BRF1: variants seen among roughly 807,000 people sequenced by gnomAD.
The protein encoded by BRF1 is BRF1 general transcription factor IIIB subunit.
In BRF1, 59 loss-of-function variants were observed where a neutral mutation model predicts 81.7. That is an observed-to-expected ratio of 0.72 (90% CI 0.59 to 0.90). The LOEUF (loss-of-function observed/expected upper bound fraction) is 0.90, where lower values mean the gene tolerates loss of function less well. Ranked by LOEUF, BRF1 falls within the 40% of genes least tolerant of loss-of-function variation. The pLI is 0.00. For missense variants in BRF1, 1,050 were observed against 936.3 expected, an observed-to-expected ratio of 1.12 and a Z score of -1.58; for synonymous variants, 491 against 395.6, an observed-to-expected ratio of 1.24 and a Z score of -2.86.
chr14:105,248,590 A>C (rs1249202943), intron 5 of BRF1: 57 of 887,260 alleles, frequency 6.4e-5, no homozygotes, highest in Admixed American at 1.4e-4. Flanking sequence ...GGCGGGCGGG[A>C]CGGCGCCCCC....
At chr14:105,228,486 G>C (rs1311281613) in intron 7 of BRF1, among the ~76,000 whole-genome samples, 2 of 151,698 alleles carry the variant, frequency 1.3e-5, no homozygotes, top group Non-Finnish European at 2.9e-5. Context: ...AGAGGTTACA[G>C]TGAGCCGAGA....
chr14:105,254,614 T>G (rs1218341281), intron 4 of BRF1, among the ~76,000 whole-genome samples: 2 of 151,200 alleles, frequency 1.3e-5, no homozygotes, highest in Non-Finnish European at 2.9e-5. Flanking sequence ...CAGGCTGGAG[T>G]GCAATGGCGC....
At chr14:105,260,674 C>A (rs1694251047) in intron 3 of BRF1, among the ~76,000 whole-genome samples, 1 of 152,148 alleles carries the variant, frequency 6.6e-6, no homozygotes, top group Admixed American at 6.6e-5. Flanking sequence ...CCAAGCTCCA[C>A]AGAAAATTTT....
At chr14:105,264,270 A>C (rs1164443579) in intron 3 of BRF1, among the ~76,000 whole-genome samples, 1 of 152,102 alleles carries the variant, frequency 6.6e-6, no homozygotes, top group Admixed American at 6.5e-5. Context: ...CAGGAGTTCA[A>C]GACCAGGCTG....
At chr14:105,253,770 C>T (rs1019028628) in intron 4 of BRF1, among the ~76,000 whole-genome samples, 5 of 152,224 alleles carry the variant, frequency 3.3e-5, no homozygotes, top group Non-Finnish European at 7.3e-5. Flanking sequence ...TCCGAGGGCT[C>T]CATCACAAGG....
At chr14:105,248,482 C>A in intron 5 of BRF1, 1 of 981,430 alleles carries the variant, frequency 1.0e-6, no homozygotes, top group Non-Finnish European at 1.2e-6. Flanking sequence ...GGATGTCGGG[C>A]CTGGGGGCGG....
chr14:105,229,200 C>CT (rs2054305341), intron 6 of BRF1, among the ~76,000 whole-genome samples: 1 of 152,222 alleles, frequency 6.6e-6, no homozygotes, highest in African/African-American at 2.4e-5. Flanking sequence ...CAAACTAACT[C>CT]TAAGATGACT....
At chr14:105,248,521 C>A (rs1030967221) in intron 5 of BRF1, 1 of 954,578 alleles carries the variant, frequency 1.0e-6, no homozygotes, top group African/African-American at 2.0e-5. Flanking sequence ...TCGCGCGGGG[C>A]GCGGCCCTGA....
Position 105,211,096 on chromosome 14 carries a change from C to T in BRF1, c.1996+26G>A, listed in dbSNP as rs750778709. The T allele has an allele frequency of 8.7e-6, 14 of 1,610,674 alleles. No homozygotes were observed. The East Asian group carries it at 8.9e-5, about 10-fold the overall frequency. On this transcript the variant is annotated intron_variant, in intron 17 of 17. Coordinates refer to ENST00000547530, the MANE Select transcript of BRF1 (RefSeq NM_001519.4). ...CTGATGCCTTTATTTCCCTTGAACCCCTCCCTGTTGTCGGGCCCCACCCAC... is the reference window on the plus strand; with the variant it reads ...CTGATGCCTTTATTTCCCTTGAACCTCTCCCTGTTGTCGGGCCCCACCCAC...
intron 1 of BRF1, among the ~76,000 whole-genome samples, chr14:105,288,217 G>T (rs936923187): frequency 4.6e-5 from 7 of 152,342 alleles, no homozygotes; most frequent in Admixed American, 2.0e-4. Flanking sequence ...CACTTTGGGA[G>T]GCCGAGGTGG....
At chr14:105,244,425 C>CT (rs2054932771) in intron 5 of BRF1, among the ~76,000 whole-genome samples, 1 of 152,118 alleles carries the variant, frequency 6.6e-6, no homozygotes, top group Admixed American at 6.6e-5. Flanking sequence ...GCCTAGGTGA[C>CT]TGACACCATG....
chr14:105,292,555 G>A (rs2057559940), intron 1 of BRF1, among the ~76,000 whole-genome samples: 1 of 152,158 alleles, frequency 6.6e-6, no homozygotes, highest in Admixed American at 6.5e-5. Context: ...AGGCCTGGCT[G>A]GCTGGGCAGT....
intron 5 of BRF1, chr14:105,249,440 TC>T (rs1188013545): frequency 1.2e-6 from 2 of 1,605,420 alleles, no homozygotes; most frequent in Non-Finnish European, 1.7e-6. Context: ...AAATTCACAT[TC>T]CAGACGTGGA....
Position 105,284,491 on chromosome 14 carries a change from G to A in BRF1, c.265+1805C>T, listed in dbSNP as rs1276825823. Among the ~76,000 whole-genome samples the A allele has an allele frequency of 1.3e-5, 2 of 152,136 alleles. No homozygotes were observed. The highest frequency in any genetic ancestry group is 2.9e-5 in the Non-Finnish European group (2 of 68,028). ...CCGGCCTCCTGGAGATGGCCCAGGA[G>A]AAAACAGCCAGGGTGACGTGCTGTC... On this transcript the variant is annotated intron_variant, in intron 2 of 17. Coordinates refer to ENST00000547530, the MANE Select transcript of BRF1 (RefSeq NM_001519.4). The surrounding 1 kb of genome is among the most constrained non-coding windows in gnomAD (Gnocchi z 4.0).
At position 105,226,921 on chromosome 14, in the gene BRF1, C is replaced by T. The variant is rs587726128; in HGVS notation, c.789-161G>A. ...TCCAAGACTTTGAGACCAGCCTAGG[C>T]AACACAGTGAGACTCTGTCTCTACC... On this transcript the variant is annotated intron_variant, in intron 7 of 17. Transcript: ENST00000547530. 428 of 857,232 alleles carry T rather than the reference C, an allele frequency of 5.0e-4. 1 individual carries two copies. The highest frequency in any genetic ancestry group is 1.8e-3 in the South Asian group (108 of 61,014). The allele number at this position is 857,232 out of a possible 1,614,324, so 53.1% of individuals were successfully genotyped here. A position where few individuals can be genotyped will look rare whatever the true frequency, so the allele number is the denominator to read the frequency against.
chr14:105,263,389 C>A (rs1302450370), intron 3 of BRF1, among the ~76,000 whole-genome samples: 1 of 152,160 alleles, frequency 6.6e-6, no homozygotes, highest in Admixed American at 6.5e-5. Context: ...GCGAGCAGGG[C>A]ACAGTGCACT....
chr14:105,256,648 TG>T, intron 3 of BRF1, 99 bp from the exon 4 acceptor site: 1 of 1,516,696 alleles, frequency 6.6e-7, no homozygotes. Context: ...TGCAGGGAGC[TG>T]GAGTCGCCCC....
At position 105,226,778 on chromosome 14, in the gene BRF1, A is replaced by G. The variant is rs999824479; in HGVS notation, c.789-18T>C. 1.2e-6 allele frequency: 2 copies of G among 1,613,174 alleles called. No individual in the cohort carries two copies. The highest frequency in any genetic ancestry group is 1.1e-5 in the South Asian group (1 of 91,076). On this transcript the variant is annotated intron_variant, in intron 7 of 17. Transcript: ENST00000547530. ...CCGTGAGCCTAAAATGGAGCCAGAC[A>G]TGGGAAATGGAGCTGGTGGCTCTGA...
chr14:105,221,705 T>A lies in BRF1; in HGVS notation c.1258A>T (p.Ser420Cys). Residue 420 changes from serine (S) to cysteine (C), a missense_variant, in exon 11 of 18, where the codon AGC becomes TGC. Ser to Cys is a moderately radical substitution (Grantham distance 112). This residue lies in a region of BRF1 where 1,043 missense variants were observed against 915.4 expected (regional missense o/e 1.14). Transcript: ENST00000547530. ...SLLDPLPTAA[S>C]LGISDSIREC... ...CGGATGGAGTCTGAGATGCCCAGGCTGGCTGCAGTGGGGAGGGGGTCCAGC... is the reference window on the plus strand; with the variant it reads ...CGGATGGAGTCTGAGATGCCCAGGCAGGCTGCAGTGGGGAGGGGGTCCAGC... 1 of 1,608,804 alleles carries A rather than the reference T, an allele frequency of 6.2e-7. No individual in the cohort carries two copies. Among genetic ancestry groups the A allele is most frequent in the Non-Finnish European group, 8.5e-7 (1 of 1,178,634 alleles).
Sources: allele counts gnomAD v4.1 joint callset (sites outside exome capture counted in the v4.1 genomes callset), GRCh38; gene constraint gnomAD v4.1.1; regional missense constraint gnomAD v4.1.1; non-coding constraint Gnocchi (gnomAD v3.1); transcripts MANE v1.5; gene names NCBI Gene and HGNC (gene_info 2026-07-23, HGNC 2026-07-21).